TSN: variants seen among roughly 807,000 people sequenced by gnomAD.
TSN encodes component 3 of promoter of RISC.
In TSN, 5 loss-of-function variants were observed where a neutral mutation model predicts 29.4. The observed-to-expected ratio is 0.17, with a 90% CI of 0.09 to 0.36. The LOEUF (loss-of-function observed/expected upper bound fraction) is 0.36. Ranked by LOEUF, TSN falls within the 10% of genes least tolerant of loss-of-function variation. The pLI is 1.00. For synonymous variants in TSN, 106 were observed against 102.2 expected (o/e 1.04, Z -0.23); for missense variants, 159 against 272.8 (o/e 0.58, Z 2.94).
Position 121,766,352 on chromosome 2 carries a change from C to T in TSN, c.*985C>T, listed in dbSNP as rs2074900620. On this transcript the variant is annotated 3_prime_UTR_variant, in exon 6 of 6. Coordinates refer to ENST00000389682, the MANE Select transcript of TSN (RefSeq NM_004622.3). ...GGCGTGGTGGCTCACACCTGTAATCCCAGCACACTGGGAGGCCGAGGCAGG... is the reference window on the plus strand; with the variant it reads ...GGCGTGGTGGCTCACACCTGTAATCTCAGCACACTGGGAGGCCGAGGCAGG... 2.0e-5 allele frequency: 3 copies of T among 152,298 alleles called. No individual in the cohort carries two copies. The South Asian group carries it at 6.2e-4, about 32-fold the overall frequency. The allele number at this position is 152,298 out of a possible 1,614,324, so 9.4% of individuals were successfully genotyped here.
intron 1 of TSN, among the ~76,000 whole-genome samples, chr2:121,756,908 CAA>C (rs548676853): frequency 0.016 from 1,019 of 63,874 alleles, 18 homozygotes; most frequent in African/African-American, 0.05. Context: ...GACTCCGTCT[CAA>C]AAAAAAAAAA....
In TSN at chr2:121,765,030, C is replaced by T. The variant is rs182053807; in HGVS notation, c.454-104C>T. 2.1e-4 allele frequency: 201 copies of T among 975,528 alleles called. 2 individuals are homozygous for T. The East Asian group carries it at 3.2e-3, about 15-fold the overall frequency. 60.4% of individuals were successfully genotyped at this position (975,528 alleles called of 1,614,324 possible). On this transcript the variant is annotated intron_variant, in intron 5 of 5. Coordinates refer to ENST00000389682, the MANE Select transcript of TSN (RefSeq NM_004622.3). ...TGTGTACCCTGAGATAGAAGATCAGCGTGGCTGTCTAGGCTTGCGGTTCTT... is the reference window on the plus strand; with the variant it reads ...TGTGTACCCTGAGATAGAAGATCAGTGTGGCTGTCTAGGCTTGCGGTTCTT...
chr2:121,763,109 CT>C, intron 5 of TSN, 25 bp downstream of exon 5: 3 of 1,171,020 alleles, frequency 2.6e-6, no homozygotes, highest in South Asian at 1.6e-5. Flanking sequence ...TTGCTGGTTG[CT>C]TTTTTGATCT....
intron 5 of TSN, among the ~76,000 whole-genome samples, chr2:121,763,783 A>G (rs1171992774): frequency 6.6e-6 from 1 of 152,174 alleles, no homozygotes; most frequent in African/African-American, 2.4e-5. Context: ...GTAAAAGTCT[A>G]AAGAAAAAAA....
At chr2:121,756,294 G>C (rs1009972240) in intron 1 of TSN, 3 of 249,306 alleles carry the variant, frequency 1.2e-5, no homozygotes, top group African/African-American at 7.0e-5. Flanking sequence ...CTCTGTCTTT[G>C]TGTATGATGT....
At chr2:121,756,409 T>C (rs762066928) in intron 1 of TSN, 8 of 245,866 alleles carry the variant, frequency 3.3e-5, no homozygotes, top group Admixed American at 5.4e-5. Flanking sequence ...TTTATCTCAT[T>C]GGCGTCACAG....
chr2:121,763,650 G>A (rs535220056), intron 5 of TSN, among the ~76,000 whole-genome samples: 3 of 152,292 alleles, frequency 2.0e-5, no homozygotes, highest in Admixed American at 6.5e-5. Flanking sequence ...TTTTAGGGTA[G>A]TGGCAAAACA....
Position 121,759,476 on chromosome 2 carries a change from C to G in TSN, c.257+670C>G, listed in dbSNP as rs187329902. On this transcript the variant is annotated intron_variant, in intron 3 of 5. Transcript: ENST00000389682. ...TACGAAAATTAGCCAGGTGTGGTGG[C>G]TTATCCCTGTAACCCCAGCCACTTC... Among the ~76,000 whole-genome samples, 161 of 152,196 alleles carry G rather than the reference C, an allele frequency of 1.1e-3. 1 individual carries two copies. Among genetic ancestry groups the G allele is most frequent in the African/African-American group, 3.8e-3 (157 of 41,532 alleles).
intron 3 of TSN, among the ~76,000 whole-genome samples, chr2:121,759,163 C>T (rs1296765604): frequency 2.6e-5 from 4 of 152,090 alleles, no homozygotes; most frequent in Admixed American, 1.3e-4. Context: ...TATATGGAGT[C>T]GAGTTTTACT....
intron 3 of TSN, among the ~76,000 whole-genome samples, chr2:121,759,484 T>TGTA (rs1209349895): frequency 6.6e-6 from 1 of 152,108 alleles, no homozygotes; most frequent in African/African-American, 2.4e-5. Flanking sequence ...GGCTTATCCC[T>TGTA]GTAACCCCAG....
Position 121,765,151 on chromosome 2 carries a change from C to T in TSN, c.471C>T (p.Asn157=), listed in dbSNP as rs755160500. 1 of 1,614,224 alleles carries T rather than the reference C, an allele frequency of 6.2e-7. No homozygotes were observed. The highest frequency in any genetic ancestry group is 1.3e-5 in the African/African-American group (1 of 75,050). ...TGGTACAGTCGAGGCTGTCTGTCAA[C>T]AGCGTGACTGCTGGAGACTACTCCC... ...LASELSRLSV[N]SVTAGDYSRP... The change falls in exon 6 of 6, where the codon AAC becomes AAT. Residue 157 remains asparagine (N), a synonymous_variant. Transcript: ENST00000389682.
chr2:121,765,048 C>T (rs1378128511), intron 5 of TSN, 86 bp from the exon 6 acceptor site: 19 of 1,270,570 alleles, frequency 1.5e-5, no homozygotes, highest in South Asian at 6.4e-5. Flanking sequence ...TCTAGGCTTG[C>T]GGTTCTTCTG....
At chr2:121,760,928 T>C (rs1299812271) in intron 3 of TSN, among the ~76,000 whole-genome samples, 1 of 149,746 alleles carries the variant, frequency 6.7e-6, no homozygotes, top group Non-Finnish European at 1.5e-5. Context: ...TGGAGTGCAG[T>C]GGTGTGATCT....
intron 3 of TSN, 118 bp downstream of exon 3, chr2:121,758,924 G>GA (rs977693972): frequency 2.4e-5 from 14 of 590,100 alleles, no homozygotes; most frequent in African/African-American, 3.9e-5. Context: ...AACAAAAAGA[G>GA]AAAAAACCGA....
chr2:121,759,287 T>C (rs1022413473), intron 3 of TSN, among the ~76,000 whole-genome samples: 1 of 152,048 alleles, frequency 6.6e-6, no homozygotes, highest in African/African-American at 2.4e-5. Context: ...TATGTACCAG[T>C]AGGGAAGGAA....
At position 121,755,800 on chromosome 2, in the gene TSN, C is replaced by T. The variant is rs750437337; in HGVS notation, c.21C>T (p.Phe7=). 1.9e-6 allele frequency: 3 copies of T among 1,614,054 alleles called. No homozygotes were observed. The highest frequency in any genetic ancestry group is 2.2e-5 in the South Asian group (2 of 91,090). MSVSEI[F]VELQGFLAAE... ...GCGCCATGTCTGTGAGCGAGATCTT[C>T]GTGGAGCTGCAGGGCTTTTTGGCTG... is the stretch of plus-strand genomic sequence containing the variant. The change falls in exon 1 of 6, where the codon TTC becomes TTT. Residue 7 remains phenylalanine, a synonymous_variant. Coordinates refer to ENST00000389682, the MANE Select transcript of TSN (RefSeq NM_004622.3).
At chr2:121,756,027 T>G in intron 1 of TSN, 182 bp downstream of exon 1, 1 of 1,272,856 alleles carries the variant, frequency 7.9e-7, no homozygotes, top group Non-Finnish European at 1.0e-6. Context: ...TCTGTCCTGA[T>G]TCCCCGTGTT....
At chr2:121,762,199 T>C (rs2074840947) in intron 4 of TSN, among the ~76,000 whole-genome samples, 1 of 152,064 alleles carries the variant, frequency 6.6e-6, no homozygotes, top group Non-Finnish European at 1.5e-5. Flanking sequence ...TCCATGTTGG[T>C]CGGGCTAGTC....
Position 121,758,792 on chromosome 2 carries a change from T to C in TSN, c.243T>C (p.Ala81=), listed in dbSNP as rs1454103628. 6 of 1,585,574 alleles carry C rather than the reference T, an allele frequency of 3.8e-6. No homozygotes were observed. Among genetic ancestry groups the C allele is most frequent in the Non-Finnish European group, 5.1e-6 (6 of 1,168,710 alleles). ...HLTSLKTKFP[A]EQYYRFHEHW... ...CATCTTTGAAGACCAAATTTCCTGCTGAACAGTATTACAGGTTTGTAAGAA... is the reference window on the plus strand; with the variant it reads ...CATCTTTGAAGACCAAATTTCCTGCCGAACAGTATTACAGGTTTGTAAGAA... Residue 81 remains alanine (A), a synonymous_variant, in exon 3 of 6, where the codon GCT becomes GCC. Coordinates refer to ENST00000389682, the MANE Select transcript of TSN (RefSeq NM_004622.3).
Sources: allele counts gnomAD v4.1 joint callset (sites outside exome capture counted in the v4.1 genomes callset), GRCh38; gene constraint gnomAD v4.1.1; transcripts MANE v1.5; gene names NCBI Gene and HGNC (gene_info 2026-07-23, HGNC 2026-07-21).